Variants in WDR64 observed in about 807,000 individuals in gnomAD.
The protein encoded by WDR64 is WD repeat domain 64.
A neutral mutation model predicts 139.3 loss-of-function variants in WDR64; 112 were observed. That is an observed-to-expected ratio of 0.80 (90% CI 0.69 to 0.94). The LOEUF (loss-of-function observed/expected upper bound fraction) is 0.94, where lower values mean the gene tolerates loss of function less well. Ranked by LOEUF, WDR64 falls within the 40% of genes least tolerant of loss-of-function variation. The pLI, the probability that WDR64 is intolerant of heterozygous loss-of-function variation, is 0.00. For synonymous variants in WDR64, 444 were observed against 437.7 expected (o/e 1.01, Z -0.18); for missense variants, 1,206 against 1,293.1 (o/e 0.93, Z 1.03).
intron 27 of WDR64, among the ~76,000 whole-genome samples, chr1:241,798,163 TAAATA>T (rs1659422134): frequency 6.6e-6 from 1 of 152,228 alleles, no homozygotes; most frequent in Non-Finnish European, 1.5e-5. Flanking sequence ...TTAAGATGTC[TAAATA>T]ACCTGATGTT....
Position 241,738,572 on chromosome 1 carries a change from C to A in WDR64, c.1321+83C>A. 2.9e-6 allele frequency: 4 copies of A among 1,387,952 alleles called. No homozygotes were observed. The South Asian group carries it at 6.2e-5, about 21-fold the overall frequency. The allele number at this position is 1,387,952 out of a possible 1,614,324, so 86.0% of individuals were successfully genotyped here. A position where few individuals can be genotyped will look rare whatever the true frequency, so the allele number is the denominator to read the frequency against. On this transcript the variant is annotated intron_variant, in intron 11 of 27. Coordinates refer to ENST00000437684, the MANE Select transcript of WDR64 (RefSeq NM_001367482.1). Reference sequence around the variant, plus strand: ...TAAACTAGCACTTGAGCACTAACTACAAGGAAAACAAAACTAGAAGGGTAA... The same window carrying A: ...TAAACTAGCACTTGAGCACTAACTAAAAGGAAAACAAAACTAGAAGGGTAA...
intron 9 of WDR64, among the ~76,000 whole-genome samples, chr1:241,717,258 C>T (rs1464033440): frequency 7.2e-5 from 11 of 152,134 alleles, no homozygotes; most frequent in Admixed American, 7.2e-4. Flanking sequence ...AGTGATGTCT[C>T]CCTCCGGAGC....
chr1:241,654,525 C>T (rs765005756), intron 1 of WDR64, among the ~76,000 whole-genome samples: 2 of 152,188 alleles, frequency 1.3e-5, no homozygotes, highest in Non-Finnish European at 2.9e-5. Context: ...CCTTATCCTG[C>T]GTCTTTCATC....
chr1:241,784,489 G>C (rs1658960990), intron 23 of WDR64, among the ~76,000 whole-genome samples: 1 of 152,118 alleles, frequency 6.6e-6, no homozygotes, highest in African/African-American at 2.4e-5. Flanking sequence ...AATGACACCT[G>C]GTTTATGCAA....
At chr1:241,679,376 T>A in intron 5 of WDR64, 109 bp from the exon 6 acceptor site, 3 of 866,642 alleles carry the variant, frequency 3.5e-6, no homozygotes, top group Non-Finnish European at 3.7e-6. Context: ...TTCTCTGTAA[T>A]AAGGCAGCAA....
chr1:241,749,722 G>C lies in WDR64; in HGVS notation c.1770G>C (p.Gln590His). The C allele has an allele frequency of 6.2e-7, 1 of 1,613,114 alleles. No homozygotes were observed. The highest frequency in any genetic ancestry group is 8.5e-7 in the Non-Finnish European group (1 of 1,179,670). The part of the protein sequence containing the change: ...LERNGTIKMI[Q>H]GKEDDIYLMV... ...GCAACGGGACTATCAAAATGATCCA[G>C]GTTTACAATCCCACTTCATACTCGT... The change falls in exon 14 of 28, where the codon CAG becomes CAC. Residue 590 changes from glutamine (Q) to histidine (H), a missense_variant and splice_region_variant. Gln to His is a conservative substitution (Grantham distance 24). Coordinates refer to ENST00000437684, the MANE Select transcript of WDR64 (RefSeq NM_001367482.1).
chr1:241,711,789 T>G lies in WDR64; in HGVS notation c.975-13T>G. The stretch of plus-strand genomic sequence containing the variant: ...AAAATATATATGTTTTCCATCTAAT[T>G]TGTGTTTTCCAGGCCTGTCAGAGAG... On this transcript the variant is annotated splice_polypyrimidine_tract_variant and intron_variant, in intron 8 of 27. Transcript: ENST00000437684. The G allele has an allele frequency of 1.2e-6, 2 of 1,613,664 alleles. No homozygotes were observed. Among genetic ancestry groups the G allele is most frequent in the Non-Finnish European group, 1.7e-6 (2 of 1,179,580 alleles).
At chr1:241,784,953 G>GAAAAAATAAAAAAAAAAAAA (rs1658983537) in intron 23 of WDR64, among the ~76,000 whole-genome samples, 1 of 62,250 alleles carries the variant, frequency 1.6e-5, no homozygotes, top group African/African-American at 5.4e-5. Context: ...GACTCTGTCT[G>GAAAAAATAAAAAAAAAAAAA]AAAAAAAAAA....
chr1:241,767,861 CT>C, intron 16 of WDR64, among the ~76,000 whole-genome samples: 1 of 152,186 alleles, frequency 6.6e-6, no homozygotes, highest in Non-Finnish European at 1.5e-5. Flanking sequence ...GATCCTGCCC[CT>C]GGAATTCCTG....
chr1:241,735,533 CTTTTT>C (rs58339742), intron 10 of WDR64, among the ~76,000 whole-genome samples: 1 of 103,514 alleles, frequency 9.7e-6, no homozygotes, highest in Non-Finnish European at 1.9e-5. Context: ...CTCTCTCTCT[CTTTTT>C]TTTTTTTTTT....
intron 10 of WDR64, among the ~76,000 whole-genome samples, chr1:241,729,957 C>T (rs1235663181): frequency 6.6e-6 from 1 of 152,090 alleles, no homozygotes; most frequent in Non-Finnish European, 1.5e-5. Context: ...TGGAACATTC[C>T]CTTTTGAGTA....
intron 9 of WDR64, among the ~76,000 whole-genome samples, chr1:241,718,674 G>A (rs1266757615): frequency 6.6e-6 from 1 of 152,158 alleles, no homozygotes; most frequent in Non-Finnish European, 1.5e-5. Context: ...AACTTGAGCT[G>A]CCTTAACAAA....
At chr1:241,732,756 G>A (rs551206558) in intron 10 of WDR64, among the ~76,000 whole-genome samples, 106 of 152,034 alleles carry the variant, frequency 7.0e-4, no homozygotes, top group African/African-American at 2.5e-3. Flanking sequence ...AGAGGCAGAG[G>A]TTGCAGTGAG....
chr1:241,663,670 G>A (rs973087373), intron 2 of WDR64, among the ~76,000 whole-genome samples: 6 of 152,212 alleles, frequency 3.9e-5, no homozygotes, highest in African/African-American at 9.6e-5. Context: ...TGTGCTGTCC[G>A]ACAAAGTGGC....
chr1:241,798,489 C>T (rs1430737956), intron 27 of WDR64, among the ~76,000 whole-genome samples: 1 of 152,110 alleles, frequency 6.6e-6, no homozygotes, highest in African/African-American at 2.4e-5. Context: ...CTCCAAAGAG[C>T]CTAAATGGAA....
chr1:241,742,537 C>T (rs561768679), intron 12 of WDR64, among the ~76,000 whole-genome samples: 73 of 152,284 alleles, frequency 4.8e-4, no homozygotes, highest in African/African-American at 1.7e-3. Flanking sequence ...TGACAGTTTA[C>T]AAATGTCATG....
intron 10 of WDR64, among the ~76,000 whole-genome samples, chr1:241,725,359 GAGGGA>G (rs1668766921): frequency 6.6e-6 from 1 of 151,946 alleles, no homozygotes; most frequent in African/African-American, 2.4e-5. Flanking sequence ...GGAAATGAAA[GAGGGA>G]AGGGAAGGGA....
At chr1:241,763,536 C>A (rs1274021170) in intron 15 of WDR64, among the ~76,000 whole-genome samples, 1 of 152,128 alleles carries the variant, frequency 6.6e-6, no homozygotes, top group Non-Finnish European at 1.5e-5. Context: ...GAAACCTCAT[C>A]CTTAATAAAA....
chr1:241,685,474 T>C (rs1327693727), intron 7 of WDR64, among the ~76,000 whole-genome samples: 1 of 152,064 alleles, frequency 6.6e-6, no homozygotes, highest in Non-Finnish European at 1.5e-5. Flanking sequence ...AAATATTGAG[T>C]ATAAGTATCC....
Sources: allele counts gnomAD v4.1 joint callset (sites outside exome capture counted in the v4.1 genomes callset), GRCh38; gene constraint gnomAD v4.1.1; transcripts MANE v1.5; gene names NCBI Gene and HGNC (gene_info 2026-07-23, HGNC 2026-07-21).